HOOK3: variants seen among roughly 807,000 people sequenced by gnomAD.
HOOK3 encodes hook microtubule tethering protein 3, also known as protein Hook homolog 3.
In HOOK3, 24 loss-of-function variants were observed where a neutral mutation model predicts 116.3. The observed-to-expected ratio is 0.21, with a 90% CI of 0.15 to 0.29. The LOEUF is 0.29. HOOK3 is among the 10% of genes least tolerant of loss of function. HOOK3 has a pLI of 1.00. For missense variants in HOOK3, 632 were observed against 830.2 expected (o/e 0.76, Z 2.93); for synonymous variants, 275 against 283.0 (o/e 0.97, Z 0.28).
At chr8:42,964,098 T>G (rs1455637654) in intron 8 of HOOK3, among the ~76,000 whole-genome samples, 2 of 152,142 alleles carry the variant, frequency 1.3e-5, no homozygotes, top group African/African-American at 2.4e-5. Flanking sequence ...TCCCAGCTAC[T>G]CGGGAGGCTA....
chr8:42,974,662 G>A (rs888445195), intron 13 of HOOK3, among the ~76,000 whole-genome samples: 18 of 152,212 alleles, frequency 1.2e-4, no homozygotes, highest in African/African-American at 4.3e-4. Context: ...GGGCTCCAGC[G>A]ATTGCCTTTT....
intron 4 of HOOK3, 144 bp downstream of exon 4, chr8:42,930,316 T>TTGGTTGAACCA: frequency 1.5e-6 from 1 of 660,958 alleles, no homozygotes; most frequent in Non-Finnish European, 2.3e-6. Flanking sequence ...AGGATGATGG[T>TTGGTTGAACCA]TCAACCAACC....
rs946442275 is a variant in HOOK3 at position 42,929,973 on chromosome 8, T to C, written c.217-149T>C. ...ATATAGTAGTACTTTTTGATGATGA[T>C]GATAATTCAAATATGCTTTTGAATT... On this transcript the variant is annotated intron_variant, in intron 3 of 21. Transcript: ENST00000307602. 26 of 663,836 alleles carry C rather than the reference T, an allele frequency of 3.9e-5. No individual in the cohort carries two copies. In the African/African-American group the frequency reaches 4.9e-4, roughly 13 times the overall value. 41.1% of individuals were successfully genotyped at this position (663,836 alleles called of 1,614,324 possible). A position where few individuals can be genotyped will look rare whatever the true frequency, so the allele number is the denominator to read the frequency against.
intron 1 of HOOK3, among the ~76,000 whole-genome samples, chr8:42,902,594 C>G (rs1001644423): frequency 2.0e-5 from 3 of 152,108 alleles, no homozygotes; most frequent in Admixed American, 6.5e-5. Flanking sequence ...TTCAAACCCC[C>G]CCAGATGATT....
At chr8:42,948,546 T>G (rs567824074) in intron 5 of HOOK3, among the ~76,000 whole-genome samples, 2 of 152,300 alleles carry the variant, frequency 1.3e-5, no homozygotes, top group East Asian at 3.9e-4. Context: ...TCGAGTCCAC[T>G]GTTATTTCCT....
chr8:42,938,123 G>T lies in HOOK3; in HGVS notation c.268-5190G>T, dbSNP rs530112247. 2.6e-5 allele frequency among the ~76,000 whole-genome samples: 4 copies of T among 152,026 alleles called. No homozygotes were observed. The East Asian group carries it at 7.7e-4, about 29-fold the overall frequency. On this transcript the variant is annotated intron_variant, in intron 4 of 21. Coordinates refer to ENST00000307602, the MANE Select transcript of HOOK3 (RefSeq NM_032410.4). ...GATAGCTAGCTCTTCTTGTTGAATT[G>T]ATCCCTTTACCGTTATGTAATGGCC...
intron 15 of HOOK3, among the ~76,000 whole-genome samples, chr8:42,990,942 T>C (rs976255117): frequency 2.6e-5 from 4 of 152,238 alleles, no homozygotes; most frequent in African/African-American, 9.6e-5. Flanking sequence ...GTCTGAGATT[T>C]AAATCTTTGA....
rs1397163681 is a variant in HOOK3, at chr8:42,968,298, T to C, written c.1122+84T>C. The C allele has an allele frequency of 8.7e-6, 8 of 919,582 alleles. No individual in the cohort carries two copies. In the African/African-American group the frequency reaches 1.4e-4, roughly 16 times the overall value. 57.0% of individuals were successfully genotyped at this position (919,582 alleles called of 1,614,324 possible). A position where few individuals can be genotyped will look rare whatever the true frequency, so the allele number is the denominator to read the frequency against. On this transcript the variant is annotated intron_variant, in intron 11 of 21. Coordinates refer to ENST00000307602, the MANE Select transcript of HOOK3 (RefSeq NM_032410.4). ...AGCTTACCAAAATTACTAATTTGTT[T>C]TCATGGTATTCTGTTTTTTACCTTT... is the stretch of plus-strand genomic sequence containing the variant.
At chr8:42,945,694 G>A (rs1643554300) in intron 5 of HOOK3, among the ~76,000 whole-genome samples, 1 of 152,144 alleles carries the variant, frequency 6.6e-6, no homozygotes, top group Non-Finnish European at 1.5e-5. Flanking sequence ...TTTTTTAAAT[G>A]TCATTAGGTG....
At chr8:42,908,310 CA>C (rs1293724042) in intron 2 of HOOK3, among the ~76,000 whole-genome samples, 1 of 152,096 alleles carries the variant, frequency 6.6e-6, no homozygotes, top group Non-Finnish European at 1.5e-5. Flanking sequence ...AAATAAGAAA[CA>C]AACCTAAAAT....
At chr8:43,016,792 G>T (rs1014304077) in intron 21 of HOOK3, among the ~76,000 whole-genome samples, 1 of 152,162 alleles carries the variant, frequency 6.6e-6, no homozygotes, top group East Asian at 1.9e-4. Flanking sequence ...CTGATTTCAA[G>T]TTGAGTTTAA....
chr8:42,992,066 G>C (rs1415108499), intron 15 of HOOK3, among the ~76,000 whole-genome samples: 2 of 152,020 alleles, frequency 1.3e-5, no homozygotes, highest in Non-Finnish European at 2.9e-5. Context: ...TGGGATTCTT[G>C]ATTTCTTTTT....
rs1809900284 is a variant in HOOK3 at position 43,024,684 on chromosome 8, T to C, written c.*6186T>C. ...TCTATAAAGAATATTTAAATAATAA[T>C]TGGTGTATGTTCCTTTTGTTGAAAA... is the stretch of plus-strand genomic sequence containing the variant. On this transcript the variant is annotated 3_prime_UTR_variant, in exon 22 of 22. Coordinates refer to ENST00000307602, the MANE Select transcript of HOOK3 (RefSeq NM_032410.4). The C allele has an allele frequency of 1.1e-5, 2 of 190,170 alleles. No individual in the cohort carries two copies. Among genetic ancestry groups the C allele is most frequent in the South Asian group, 1.9e-4 (1 of 5,172 alleles). 11.8% of individuals were successfully genotyped at this position (190,170 alleles called of 1,614,324 possible). A position where few individuals can be genotyped will look rare whatever the true frequency, so the allele number is the denominator to read the frequency against.
intron 2 of HOOK3, among the ~76,000 whole-genome samples, chr8:42,915,334 C>A (rs182374675): frequency 3.9e-5 from 6 of 152,174 alleles, no homozygotes; most frequent in Non-Finnish European, 7.4e-5. Flanking sequence ...TACGGCACTC[C>A]AGGCTGAGCA....
intron 4 of HOOK3, among the ~76,000 whole-genome samples, chr8:42,939,295 CG>C (rs1808043556): frequency 1.3e-5 from 2 of 151,730 alleles, no homozygotes; most frequent in Non-Finnish European, 1.5e-5. Context: ...TAGGGGCGGC[CG>C]GGCAGAGGCG....
At position 43,005,180 on chromosome 8, in the gene HOOK3, G is replaced by GCT. The variant is rs577303409; in HGVS notation, c.1656-2648_1656-2647dup. Among the ~76,000 whole-genome samples the GCT allele has an allele frequency of 1.4e-3, 158 of 113,332 alleles. 2 individuals are homozygous for GCT. The highest frequency in any genetic ancestry group is 4.3e-3 in the African/African-American group (133 of 30,644). The allele number at this position is 113,332 out of a possible 152,430, so 74.4% of individuals were successfully genotyped here. A position where few individuals can be genotyped will look rare whatever the true frequency, so the allele number is the denominator to read the frequency against. ...AAATTTAAATTGCACAAAATTAAGT[G>GCT]CTCTCTCTCTCTCTCTCTCTATATA... On this transcript the variant is annotated intron_variant, in intron 17 of 21. Transcript: ENST00000307602.
chr8:42,903,661 A>G (rs1040819866), intron 1 of HOOK3, among the ~76,000 whole-genome samples: 1 of 148,230 alleles, frequency 6.7e-6, no homozygotes, highest in African/African-American at 2.5e-5. Context: ...TCTTTTAAAG[A>G]TTTGATAAAT....
chr8:42,916,336 C>T (rs1807533101), intron 2 of HOOK3, among the ~76,000 whole-genome samples: 1 of 152,076 alleles, frequency 6.6e-6, no homozygotes, highest in African/African-American at 2.4e-5. Flanking sequence ...AAGGGTTTAC[C>T]ACTGTTGTTT....
intron 16 of HOOK3, 134 bp downstream of exon 16, chr8:42,997,771 T>A: frequency 7.6e-6 from 5 of 658,242 alleles, no homozygotes; most frequent in Non-Finnish European, 1.4e-5. Flanking sequence ...AGTGTTTTCC[T>A]TTTTACTAAC....
Sources: gnomAD v4.1 joint callset for allele counts (sites outside exome capture counted in the v4.1 genomes callset) on GRCh38, gnomAD v4.1.1 for gene constraint, MANE v1.5 for transcripts, NCBI Gene and HGNC (gene_info 2026-07-23, HGNC 2026-07-21) for gene names.